PHACTR1: variants seen among roughly 807,000 people sequenced by gnomAD.
PHACTR1 encodes RPEL repeat containing 1.
PHACTR1 carries 16 observed loss-of-function variants against 69.2 expected under a neutral mutation model. The ratio of observed to expected loss-of-function variants is 0.23; its 90% CI spans 0.16 to 0.35. PHACTR1 has a LOEUF of 0.35. PHACTR1 is among the 10% of genes least tolerant of loss of function. The pLI, the probability that PHACTR1 is intolerant of heterozygous loss-of-function variation, is 1.00. For synonymous variants in PHACTR1, 312 were observed against 284.5 expected (o/e 1.10, Z -0.97); for missense variants, 510 against 734.7 (o/e 0.69, Z 3.54).
chr6:13,044,365 T>A (rs956577502), intron 4 of PHACTR1, among the ~76,000 whole-genome samples: 17 of 152,226 alleles, frequency 1.1e-4, no homozygotes, highest in Non-Finnish European at 2.4e-4. Context: ...ACCCCTACTT[T>A]GATTAGGCTT....
chr6:13,119,055 A>C (rs1345573202), intron 5 of PHACTR1, among the ~76,000 whole-genome samples: 1 of 150,118 alleles, frequency 6.7e-6, no homozygotes, highest in African/African-American at 2.5e-5. Context: ...CTTACGAAAA[A>C]CCTCCTCTCC....
intron 4 of PHACTR1, among the ~76,000 whole-genome samples, chr6:13,025,831 T>C (rs1801628711): frequency 6.6e-6 from 1 of 152,104 alleles, no homozygotes; most frequent in African/African-American, 2.4e-5. Flanking sequence ...CATTTTTAGA[T>C]TCAAATTATT....
intron 4 of PHACTR1, among the ~76,000 whole-genome samples, chr6:13,042,308 G>A (rs145950782): frequency 2.6e-5 from 4 of 152,176 alleles, no homozygotes; most frequent in African/African-American, 7.2e-5. Context: ...GTGATTTCAC[G>A]TTTTAGGGAC....
At chr6:12,767,755 G>A (rs1419827537) in intron 4 of PHACTR1, among the ~76,000 whole-genome samples, 2 of 152,180 alleles carry the variant, frequency 1.3e-5, no homozygotes. Flanking sequence ...GACATACAGA[G>A]GAAAATGATT....
intron 5 of PHACTR1, among the ~76,000 whole-genome samples, chr6:13,147,140 T>C (rs1823497881): frequency 6.6e-6 from 1 of 152,216 alleles, no homozygotes. Flanking sequence ...TTTCAGATCT[T>C]AGTTTTATCA....
In PHACTR1 at chr6:12,944,884, G is replaced by A. The variant is rs188109673; in HGVS notation, c.251-108481G>A. ...TGCGAGCTCCGCCTCCCGGGTTCAC[G>A]CCATTCTCCTGCTTCAGCCTCCCGA... On this transcript the variant is annotated intron_variant, in intron 4 of 14. Transcript: ENST00000332995. 2.7e-4 allele frequency among the ~76,000 whole-genome samples: 41 copies of A among 151,766 alleles called. No individual in the cohort carries two copies. The East Asian group carries it at 6.6e-3, about 24-fold the overall frequency.
intron 4 of PHACTR1, among the ~76,000 whole-genome samples, chr6:13,045,656 A>G (rs1804902883): frequency 6.6e-6 from 1 of 152,244 alleles, no homozygotes; most frequent in Non-Finnish European, 1.5e-5. Flanking sequence ...AATTAACAGA[A>G]ACATGGGCCA....
At chr6:13,217,392 A>G (rs76760032) in intron 8 of PHACTR1, among the ~76,000 whole-genome samples, 2,373 of 152,322 alleles carry the variant, frequency 0.016, 55 homozygotes, top group African/African-American at 0.054. Flanking sequence ...CAAGCATGCT[A>G]GAACACTCAC....
At chr6:12,986,913 A>G (rs148989221) in intron 4 of PHACTR1, among the ~76,000 whole-genome samples, 1 of 152,328 alleles carries the variant, frequency 6.6e-6, no homozygotes, top group African/African-American at 2.4e-5. Flanking sequence ...AATGCACCTG[A>G]AAGACACCTG....
intron 8 of PHACTR1, among the ~76,000 whole-genome samples, chr6:13,207,853 G>A (rs1268868640): frequency 6.6e-6 from 1 of 152,028 alleles, no homozygotes; most frequent in African/African-American, 2.4e-5. Flanking sequence ...AGCTAAAAGC[G>A]AGATGCACAG....
intron 4 of PHACTR1, among the ~76,000 whole-genome samples, chr6:12,943,827 AT>A (rs1279308686): frequency 6.6e-6 from 1 of 152,216 alleles, no homozygotes; most frequent in Non-Finnish European, 1.5e-5. Context: ...TAAGCTCTGA[AT>A]GGCACATGTA....
At chr6:13,186,003 G>T (rs982645330) in intron 7 of PHACTR1, among the ~76,000 whole-genome samples, 5 of 152,100 alleles carry the variant, frequency 3.3e-5, no homozygotes, top group African/African-American at 1.2e-4. Flanking sequence ...TCCAGAGCAG[G>T]CTGTCTTTCA....
intron 12 of PHACTR1, chr6:13,281,485 C>T (rs1411213258): frequency 1.5e-5 from 5 of 323,600 alleles, no homozygotes; most frequent in African/African-American, 4.4e-5. Flanking sequence ...ACCCAAGAGG[C>T]GGAGGTTGCA....
intron 4 of PHACTR1, among the ~76,000 whole-genome samples, chr6:12,820,721 A>T (rs1447883324): frequency 6.6e-6 from 1 of 152,216 alleles, no homozygotes; most frequent in African/African-American, 2.4e-5. Flanking sequence ...AAATCAAAGC[A>T]TGAGACATTT....
intron 4 of PHACTR1, among the ~76,000 whole-genome samples, chr6:12,968,657 C>T (rs1037489826): frequency 2.6e-5 from 4 of 152,018 alleles, no homozygotes; most frequent in African/African-American, 9.7e-5. Flanking sequence ...CACTAAAATG[C>T]GAAAGGACTT....
intron 5 of PHACTR1, among the ~76,000 whole-genome samples, chr6:13,088,773 A>G (rs1195556396): frequency 6.6e-6 from 1 of 152,138 alleles, no homozygotes; most frequent in African/African-American, 2.4e-5. Flanking sequence ...GAGCCCTTCT[A>G]AGGTCAGCTT....
At position 13,182,620 on chromosome 6, in the gene PHACTR1, G is replaced by C. The variant is rs1762330474; in HGVS notation, c.598G>C (p.Val200Leu). Residue 200 changes from valine (V) to leucine (L), a missense_variant, in exon 7 of 15, where the codon GTC becomes CTC. Physicochemically the swap from Val to Leu is conservative, Grantham distance 32. This residue lies in a region of PHACTR1 where 419 missense variants were observed against 530.9 expected (regional missense o/e 0.79). Coordinates refer to ENST00000332995, the MANE Select transcript of PHACTR1 (RefSeq NM_030948.6). ...GCCTGCCCTGTCCGAAATGGAGCCAGTCCCAATGCCCAGGGATCCCTGCTC... is the reference window on the plus strand; with the variant it reads ...GCCTGCCCTGTCCGAAATGGAGCCACTCCCAATGCCCAGGGATCCCTGCTC... ...SLPALSEMEP[V>L]PMPRDPCSYE... is the part of the protein sequence containing the mutation. 1.2e-6 allele frequency: 2 copies of C among 1,611,200 alleles called. No individual in the cohort carries two copies. The highest frequency in any genetic ancestry group is 1.1e-5 in the South Asian group (1 of 90,750).
At chr6:13,021,334 T>C (rs1800945928) in intron 4 of PHACTR1, among the ~76,000 whole-genome samples, 1 of 152,274 alleles carries the variant, frequency 6.6e-6, no homozygotes, top group African/African-American at 2.4e-5. Context: ...AATGTATTCA[T>C]GCTGTAGCAT....
At chr6:13,133,225 C>A (rs1820780119) in intron 5 of PHACTR1, among the ~76,000 whole-genome samples, 1 of 53,352 alleles carries the variant, frequency 1.9e-5, no homozygotes. Flanking sequence ...CCCCCTCCCC[C>A]TCCCCCTCTC....
Sources: gnomAD v4.1 joint callset for allele counts (sites outside exome capture counted in the v4.1 genomes callset) on GRCh38, gnomAD v4.1.1 for gene constraint, gnomAD v4.1.1 regional missense constraint, MANE v1.5 for transcripts, NCBI Gene and HGNC (gene_info 2026-07-23, HGNC 2026-07-21) for gene names.